MNS1: variants seen among roughly 807,000 people sequenced by gnomAD.
MNS1 encodes meiosis-specific nuclear structural protein 1.
In MNS1, 63 loss-of-function variants were observed where a neutral mutation model predicts 72.0. The ratio of observed to expected loss-of-function variants is 0.87; its 90% CI spans 0.71 to 1.08. The LOEUF is 1.08. Ranked by LOEUF, MNS1 falls within the 50% of genes least tolerant of loss-of-function variation. The pLI, the probability that MNS1 is intolerant of heterozygous loss-of-function variation, is 0.00. For synonymous variants in MNS1, 188 were observed against 172.1 expected (o/e 1.09, Z -0.72); for missense variants, 604 against 562.4 (o/e 1.07, Z -0.75).
chr15:56,456,641 T>A, intron 2 of MNS1, 120 bp from the exon 3 acceptor site: 1 of 989,110 alleles, frequency 1.0e-6, no homozygotes, highest in Non-Finnish European at 1.5e-6. Flanking sequence ...TGATGTTTTA[T>A]TTTAAAATAC....
At chr15:56,458,073 A>T (rs1452180526) in intron 2 of MNS1, among the ~76,000 whole-genome samples, 1 of 152,208 alleles carries the variant, frequency 6.6e-6, no homozygotes, top group Non-Finnish European at 1.5e-5. Flanking sequence ...AACTTGGATG[A>T]ATCTCCATGA....
chr15:56,441,681 A>G (rs2050816431), intron 7 of MNS1, among the ~76,000 whole-genome samples: 2 of 152,214 alleles, frequency 1.3e-5, no homozygotes, highest in South Asian at 2.1e-4. Flanking sequence ...TCTAATATCC[A>G]TAATATCTAA....
chr15:56,449,982 T>G (rs2050937280), intron 3 of MNS1, among the ~76,000 whole-genome samples: 1 of 152,188 alleles, frequency 6.6e-6, no homozygotes, highest in African/African-American at 2.4e-5. Flanking sequence ...TTTATTCACC[T>G]TTTTATGGCA....
chr15:56,443,509 C>A lies in MNS1; in HGVS notation c.932G>T (p.Arg311Leu). ...ALTQKLEEML[R>L]QREDLEQVRQ... ...CACTTGTTCCAAATCTTCACGTTGC[C>A]GCAGCATTTCTTCTAATTTCTGTGT... Residue 311 changes from arginine to leucine, a missense_variant, in exon 7 of 10, where the codon CGG becomes CTG. Coordinates refer to ENST00000260453, the MANE Select transcript of MNS1 (RefSeq NM_018365.4). The A allele has an allele frequency of 1.9e-6, 3 of 1,598,006 alleles. No homozygotes were observed. The highest frequency in any genetic ancestry group is 1.7e-6 in the Non-Finnish European group (2 of 1,175,298).
intron 5 of MNS1, 78 bp downstream of exon 5, chr15:56,444,366 G>A (rs2050870993): frequency 8.2e-7 from 1 of 1,222,054 alleles, no homozygotes; most frequent in Admixed American, 2.4e-5. Flanking sequence ...TGTTCTAGGT[G>A]CTTCAGTTCC....
intron 9 of MNS1, 149 bp downstream of exon 9, chr15:56,431,224 G>C: frequency 1.3e-6 from 1 of 754,908 alleles, no homozygotes; most frequent in East Asian, 2.6e-5. Flanking sequence ...TGGGCCCAGA[G>C]AGGTTCAGTG....
intron 4 of MNS1, among the ~76,000 whole-genome samples, chr15:56,446,433 G>T (rs1175353117): frequency 6.6e-6 from 1 of 151,960 alleles, no homozygotes; most frequent in East Asian, 1.9e-4. Flanking sequence ...GAGAAAAAGA[G>T]ATGGCTTTTA....
intron 7 of MNS1, among the ~76,000 whole-genome samples, chr15:56,438,482 C>T (rs1333851797): frequency 3.3e-5 from 5 of 152,040 alleles, no homozygotes; most frequent in Admixed American, 3.3e-4. Context: ...ACACCTTATA[C>T]AAAAATTAAT....
At chr15:56,431,094 C>A (rs1433406705) in intron 9 of MNS1, among the ~76,000 whole-genome samples, 4 of 152,124 alleles carry the variant, frequency 2.6e-5, no homozygotes, top group Non-Finnish European at 4.4e-5. Flanking sequence ...GCAGAGGTTG[C>A]AGTAAGCTGA....
At chr15:56,455,247 G>GAAAAA (rs56339584) in intron 3 of MNS1, among the ~76,000 whole-genome samples, 3 of 82,910 alleles carry the variant, frequency 3.6e-5, no homozygotes, top group East Asian at 3.6e-4. Context: ...ATCGTCAGGT[G>GAAAAA]AAAAAAAAAA....
intron 3 of MNS1, among the ~76,000 whole-genome samples, chr15:56,450,750 T>C (rs962401474): frequency 1.3e-5 from 2 of 152,196 alleles, no homozygotes; most frequent in Non-Finnish European, 2.9e-5. Context: ...CACTATTGAA[T>C]TTTTTGTATA....
chr15:56,448,594 C>T (rs1746496390), intron 3 of MNS1, among the ~76,000 whole-genome samples: 3 of 152,250 alleles, frequency 2.0e-5, no homozygotes, highest in South Asian at 2.1e-4. Flanking sequence ...TAGAGTATTC[C>T]GTGGTATATA....
At chr15:56,454,922 T>G (rs1356199295) in intron 3 of MNS1, among the ~76,000 whole-genome samples, 3 of 152,156 alleles carry the variant, frequency 2.0e-5, no homozygotes, top group Non-Finnish European at 4.4e-5. Flanking sequence ...AAACACACAC[T>G]AAAGTGCACA....
intron 2 of MNS1, among the ~76,000 whole-genome samples, chr15:56,458,392 A>G (rs1431702556): frequency 2.0e-5 from 3 of 152,210 alleles, no homozygotes; most frequent in Non-Finnish European, 4.4e-5. Flanking sequence ...TTCCCCTTCT[A>G]TCAGCCTCCT....
chr15:56,463,937 A>T lies in MNS1; in HGVS notation c.225+89T>A, dbSNP rs2051040160. 3 of 1,041,242 alleles carry T rather than the reference A, an allele frequency of 2.9e-6. No individual in the cohort carries two copies. In the East Asian group the frequency reaches 7.2e-5, roughly 25 times the overall value. The allele number at this position is 1,041,242 out of a possible 1,614,324, so 64.5% of individuals were successfully genotyped here. On this transcript the variant is annotated intron_variant, in intron 2 of 9. Coordinates refer to ENST00000260453, the MANE Select transcript of MNS1 (RefSeq NM_018365.4). ...CATCACTTACCTGCTGCTGTTGTTT[A>T]TCTACTCATTTCCAGCATTAACAGC...
chr15:56,456,500 TC>T lies in MNS1; in HGVS notation c.246del (p.Glu84AsnfsTer17). ...AIQKAEENKR[L>X]KELQLKQEEK... ...TCTTCTTGTTTGAGCTGGAGTTCTTTCAATCTCTTGTTTTCTTCTGCCTGAA... is the reference window on the plus strand; with the variant it reads ...TCTTCTTGTTTGAGCTGGAGTTCTTTAATCTCTTGTTTTCTTCTGCCTGAA... On this transcript the variant is annotated frameshift_variant, in exon 3 of 10. Coordinates refer to ENST00000260453, the MANE Select transcript of MNS1 (RefSeq NM_018365.4). LOFTEE classifies it high-confidence loss of function. 6.2e-7 allele frequency: 1 copy of T among 1,611,138 alleles called. No homozygotes were observed. The highest frequency in any genetic ancestry group is 8.5e-7 in the Non-Finnish European group (1 of 1,179,234).
At chr15:56,442,073 T>G (rs1183117399) in intron 7 of MNS1, among the ~76,000 whole-genome samples, 3 of 151,616 alleles carry the variant, frequency 2.0e-5, no homozygotes, top group Middle Eastern at 3.2e-3. Flanking sequence ...ATAGGCTAAG[T>G]ACATGAACAG....
intron 2 of MNS1, among the ~76,000 whole-genome samples, chr15:56,463,312 T>C (rs2051034473): frequency 6.6e-6 from 1 of 152,156 alleles, no homozygotes; most frequent in Admixed American, 6.6e-5. Context: ...AACACAATTG[T>C]ACTTACATGA....
rs1442507073 is a variant in MNS1 at position 56,440,218 on chromosome 15, G to GT, written c.1011+3211dup. ...GGAAAATGCAAAATAAAACTACAAGGTATCACTACATGGATATTTAAAAGT... is the reference window on the plus strand; with the variant it reads ...GGAAAATGCAAAATAAAACTACAAGGTTATCACTACATGGATATTTAAAAGT... On this transcript the variant is annotated intron_variant, in intron 7 of 9. Transcript: ENST00000260453. Among the ~76,000 whole-genome samples, 3 of 152,158 alleles carry GT rather than the reference G, an allele frequency of 2.0e-5. No individual in the cohort carries two copies. The East Asian group carries it at 5.8e-4, about 29-fold the overall frequency.
Sources: allele counts gnomAD v4.1 joint callset (sites outside exome capture counted in the v4.1 genomes callset), GRCh38; gene constraint gnomAD v4.1.1; transcripts MANE v1.5; gene names NCBI Gene and HGNC (gene_info 2026-07-23, HGNC 2026-07-21).